TMEM45A: variants seen among roughly 807,000 people sequenced by gnomAD.
The protein encoded by TMEM45A is transmembrane protein 45A.
In TMEM45A, 25 loss-of-function variants were observed where a neutral mutation model predicts 32.0. The ratio of observed to expected loss-of-function variants is 0.78; its 90% CI spans 0.57 to 1.09. The LOEUF is 1.09. Among genes scored for constraint, TMEM45A ranks in the 50% least tolerant of loss-of-function variants. The pLI is 0.00. For missense variants in TMEM45A, 302 were observed against 325.0 expected, an observed-to-expected ratio of 0.93 and a Z score of 0.54; for synonymous variants, 122 against 114.8, an observed-to-expected ratio of 1.06 and a Z score of -0.40.
At position 100,539,465 on chromosome 3, in the gene TMEM45A, A is replaced by ACG. The variant is rs1469682080; in HGVS notation, c.-3-15744_-3-15743insCG. 6.4e-4 allele frequency among the ~76,000 whole-genome samples: 87 copies of ACG among 135,936 alleles called. 3 individuals carry two copies. Among genetic ancestry groups the ACG allele is most frequent in the Non-Finnish European group, 1.1e-3 (71 of 63,168 alleles). The allele number at this position is 135,936 out of a possible 152,430, so 89.2% of individuals were successfully genotyped here. ...TATGTATATGTATATGTATATGTAT[A>ACG]TGTATATGTATATGTATATGTATAT... On this transcript the variant is annotated intron_variant, in intron 1 of 5. Transcript: ENST00000323523.
chr3:100,526,786 C>A (rs931519886), intron 1 of TMEM45A, among the ~76,000 whole-genome samples: 1 of 152,194 alleles, frequency 6.6e-6, no homozygotes, highest in African/African-American at 2.4e-5. Flanking sequence ...AATTAAGCTA[C>A]AAAGAACAGA....
At chr3:100,511,917 GA>G (rs1708170587) in intron 1 of TMEM45A, among the ~76,000 whole-genome samples, 1 of 152,014 alleles carries the variant, frequency 6.6e-6, no homozygotes, top group African/African-American at 2.4e-5. Flanking sequence ...TCAACAAGAA[GA>G]GCTAACTATC....
At chr3:100,524,266 T>A (rs1705497418) in intron 1 of TMEM45A, among the ~76,000 whole-genome samples, 2 of 152,214 alleles carry the variant, frequency 1.3e-5, no homozygotes, top group South Asian at 4.1e-4. Flanking sequence ...TGCCATGACA[T>A]CTCCAAACCA....
intron 1 of TMEM45A, among the ~76,000 whole-genome samples, chr3:100,541,748 C>G (rs149937048): frequency 1.3e-5 from 2 of 152,156 alleles, no homozygotes; most frequent in East Asian, 3.9e-4. Context: ...CTAGGCTGGT[C>G]TTGAACTCCT....
At chr3:100,567,627 T>C (rs1178684733) in intron 4 of TMEM45A, among the ~76,000 whole-genome samples, 15 of 152,000 alleles carry the variant, frequency 9.9e-5, no homozygotes, top group Admixed American at 9.2e-4. Context: ...AAGCTTCCAG[T>C]CTATGACTAT....
chr3:100,528,635 A>G (rs1203800575), intron 1 of TMEM45A, among the ~76,000 whole-genome samples: 1 of 152,160 alleles, frequency 6.6e-6, no homozygotes, highest in Admixed American at 6.5e-5. Flanking sequence ...TTTCTTGTCT[A>G]AATTTGAATT....
At chr3:100,496,476 T>C (rs1272278455) in intron 1 of TMEM45A, among the ~76,000 whole-genome samples, 2 of 152,216 alleles carry the variant, frequency 1.3e-5, no homozygotes, top group African/African-American at 4.8e-5. Flanking sequence ...GCCCGAGCCT[T>C]ACCCAATAGG....
chr3:100,564,840 G>A (rs1706397475), intron 4 of TMEM45A, among the ~76,000 whole-genome samples: 2 of 152,194 alleles, frequency 1.3e-5, no homozygotes, highest in Admixed American at 1.3e-4. Flanking sequence ...AATTAGAGAT[G>A]TGGCTCAAGG....
intron 1 of TMEM45A, among the ~76,000 whole-genome samples, chr3:100,541,179 T>G (rs2148966690): frequency 6.6e-6 from 1 of 152,316 alleles, no homozygotes; most frequent in South Asian, 2.1e-4. Context: ...GGTTATTTGT[T>G]TTTTGCTCAT....
intron 5 of TMEM45A, chr3:100,573,710 C>T (rs1706620574): frequency 6.6e-6 from 1 of 152,120 alleles, no homozygotes; most frequent in South Asian, 2.1e-4. Flanking sequence ...CCAGTTTTTG[C>T]CCATTCAGTA....
chr3:100,562,672 C>T (rs1706358733), intron 4 of TMEM45A, among the ~76,000 whole-genome samples: 1 of 152,180 alleles, frequency 6.6e-6, no homozygotes. Flanking sequence ...AATCTGTATG[C>T]TAGCTTTACC....
intron 2 of TMEM45A, among the ~76,000 whole-genome samples, chr3:100,555,935 A>G (rs1295373450): frequency 1.3e-5 from 2 of 152,234 alleles, no homozygotes; most frequent in Admixed American, 6.5e-5. Flanking sequence ...GGAAAGTTTA[A>G]CTGTTTGCAT....
intron 1 of TMEM45A, among the ~76,000 whole-genome samples, chr3:100,511,597 T>A (rs1403049032): frequency 6.6e-6 from 1 of 151,520 alleles, no homozygotes; most frequent in African/African-American, 2.4e-5. Context: ...AACATCATAA[T>A]GACAGGATCA....
intron 1 of TMEM45A, among the ~76,000 whole-genome samples, chr3:100,517,948 T>C (rs957729274): frequency 2.6e-5 from 4 of 152,234 alleles, no homozygotes; most frequent in Non-Finnish European, 5.9e-5. Context: ...CTCCAAGCCA[T>C]CCACCATCAT....
At position 100,502,045 on chromosome 3, in the gene TMEM45A, A is replaced by G. The variant is rs565835616; in HGVS notation, c.-4+9117A>G. Reference sequence around the variant, plus strand: ...AACAAGACACGTTAGTTCCTTAAAGATTCCTCTAAAAAATATCAAACTGTT... The same window carrying G: ...AACAAGACACGTTAGTTCCTTAAAGGTTCCTCTAAAAAATATCAAACTGTT... On this transcript the variant is annotated intron_variant, in intron 1 of 5. Coordinates refer to ENST00000323523, the MANE Select transcript of TMEM45A (RefSeq NM_018004.3). Among the ~76,000 whole-genome samples the G allele has an allele frequency of 2.0e-5, 3 of 152,338 alleles. No homozygotes were observed. In the South Asian group the frequency reaches 6.2e-4, roughly 32 times the overall value.
intron 1 of TMEM45A, among the ~76,000 whole-genome samples, chr3:100,498,141 C>G (rs1426433957): frequency 6.6e-6 from 1 of 152,190 alleles, no homozygotes; most frequent in Admixed American, 6.5e-5. Context: ...TCTCTGTTTC[C>G]TGCCACCATG....
At chr3:100,505,001 C>A (rs937370838) in intron 1 of TMEM45A, among the ~76,000 whole-genome samples, 18 of 152,042 alleles carry the variant, frequency 1.2e-4, no homozygotes, top group African/African-American at 3.9e-4. Context: ...TGTCGTGGGT[C>A]GAGATGATGG....
At chr3:100,571,869 G>C (rs530099418) in intron 5 of TMEM45A, 1 of 152,190 alleles carries the variant, frequency 6.6e-6, no homozygotes, top group Non-Finnish European at 1.5e-5. Flanking sequence ...TTGTTCTTGC[G>C]ATAGTTTGCT....
intron 1 of TMEM45A, among the ~76,000 whole-genome samples, chr3:100,524,321 AG>A (rs1483337066): frequency 1.3e-5 from 2 of 152,196 alleles, no homozygotes; most frequent in Admixed American, 1.3e-4. Context: ...CTCTCTTACC[AG>A]GGTTGATATG....
Sources: allele counts gnomAD v4.1 joint callset (sites outside exome capture counted in the v4.1 genomes callset), GRCh38; gene constraint gnomAD v4.1.1; transcripts MANE v1.5; gene names NCBI Gene and HGNC (gene_info 2026-07-23, HGNC 2026-07-21).